SNRK: variants seen among roughly 807,000 people sequenced by gnomAD.
The protein encoded by SNRK is SNF related kinase.
In SNRK, 3 loss-of-function variants were observed where a neutral mutation model predicts 48.2. The ratio of observed to expected loss-of-function variants is 0.06; its 90% CI spans 0.03 to 0.16. The LOEUF (loss-of-function observed/expected upper bound fraction) is 0.16. Ranked by LOEUF, SNRK falls within the 10% of genes least tolerant of loss-of-function variation. The pLI, the probability that SNRK is intolerant of heterozygous loss-of-function variation, is 1.00. For synonymous variants in SNRK, 376 were observed against 366.1 expected (o/e 1.03, Z -0.31); for missense variants, 627 against 976.0 (o/e 0.64, Z 4.76).
intron 4 of SNRK, among the ~76,000 whole-genome samples, chr3:43,339,671 C>T (rs1483646174): frequency 4.0e-5 from 6 of 150,976 alleles, no homozygotes; most frequent in Non-Finnish European, 8.9e-5. Context: ...CAAAACTTAG[C>T]TGGGTGTGGT....
rs906748721 is a variant in SNRK, at chr3:43,317,653, G to A, written c.589+13861G>A. ...TGGTTGCTCCTTCGGCTCCAGCCAC[G>A]CTGCCTCCTTGCTGTTAGGCACACT... On this transcript the variant is annotated intron_variant, in intron 3 of 6. Coordinates refer to ENST00000296088, the MANE Select transcript of SNRK (RefSeq NM_017719.5). 3.3e-5 allele frequency among the ~76,000 whole-genome samples: 5 copies of A among 151,960 alleles called. No homozygotes were observed. In the South Asian group the frequency reaches 6.2e-4, roughly 19 times the overall value.
Position 43,299,807 on chromosome 3 carries a change from G to A in SNRK, c.-115G>A, listed in dbSNP as rs2090885395. On this transcript the variant is annotated 5_prime_UTR_variant, in exon 2 of 7. Transcript: ENST00000296088. Reference sequence around the variant, plus strand: ...GATAATAAGGATTATTCAGTATGCAGTTTGCAGGGTATGTCTTGGAGACAG... The same window carrying A: ...GATAATAAGGATTATTCAGTATGCAATTTGCAGGGTATGTCTTGGAGACAG... 6.6e-6 allele frequency: 1 copy of A among 152,592 alleles called. No individual in the cohort carries two copies. Among genetic ancestry groups the A allele is most frequent in the African/African-American group, 2.4e-5 (1 of 41,434 alleles). 9.5% of individuals were successfully genotyped at this position (152,592 alleles called of 1,614,324 possible).
At chr3:43,306,522 T>C (rs1044665756) in intron 3 of SNRK, among the ~76,000 whole-genome samples, 2 of 152,140 alleles carry the variant, frequency 1.3e-5, no homozygotes, top group African/African-American at 2.4e-5. Flanking sequence ...GTTTTAGATG[T>C]CATTTTTTTT....
chr3:43,295,974 A>C (rs538157392), intron 1 of SNRK, among the ~76,000 whole-genome samples: 31 of 152,272 alleles, frequency 2.0e-4, no homozygotes, highest in African/African-American at 7.2e-4. Flanking sequence ...CCTGACCTCA[A>C]GTAATCTATC....
At chr3:43,291,246 G>C (rs1408410981) in intron 1 of SNRK, among the ~76,000 whole-genome samples, 3 of 152,176 alleles carry the variant, frequency 2.0e-5, no homozygotes, top group African/African-American at 7.2e-5. Flanking sequence ...ACCGTTGCCA[G>C]TTTCAGTTCT....
At chr3:43,297,615 T>C (rs2090866409) in intron 1 of SNRK, among the ~76,000 whole-genome samples, 1 of 152,142 alleles carries the variant, frequency 6.6e-6, no homozygotes, top group Non-Finnish European at 1.5e-5. Context: ...CTAGTCTGTA[T>C]GTTCTAATTG....
At chr3:43,340,571 C>A in intron 5 of SNRK, 72 bp downstream of exon 5, 1 of 1,332,752 alleles carries the variant, frequency 7.5e-7, no homozygotes, top group Non-Finnish European at 1.1e-6. Flanking sequence ...CTACTTAACA[C>A]AGCCTTTGGA....
intron 3 of SNRK, among the ~76,000 whole-genome samples, chr3:43,306,960 A>G (rs2090942422): frequency 6.6e-6 from 1 of 152,166 alleles, no homozygotes; most frequent in Admixed American, 6.5e-5. Context: ...TTGTGGCTTG[A>G]TACATGGTAA....
chr3:43,347,097 C>T lies in SNRK; in HGVS notation c.1080-242C>T, dbSNP rs1224002068. 5 of 426,772 alleles carry T rather than the reference C, an allele frequency of 1.2e-5. No individual in the cohort carries two copies. Among genetic ancestry groups the T allele is most frequent in the Non-Finnish European group, 1.7e-5 (4 of 240,892 alleles). The allele number at this position is 426,772 out of a possible 1,614,324, so 26.4% of individuals were successfully genotyped here. A position where few individuals can be genotyped will look rare whatever the true frequency, so the allele number is the denominator to read the frequency against. ...GTAGCTCTTTGCCCTATTTTCTTTTCTGACACCTGTGATGAAGTTTTCACT... is the reference window on the plus strand; with the variant it reads ...GTAGCTCTTTGCCCTATTTTCTTTTTTGACACCTGTGATGAAGTTTTCACT... On this transcript the variant is annotated intron_variant, in intron 6 of 6. Transcript: ENST00000296088. This position sits in a 1 kb window ranked among gnomAD's most constrained non-coding sequence, Gnocchi z 5.4.
chr3:43,325,485 A>C (rs1001823337), intron 3 of SNRK, among the ~76,000 whole-genome samples: 24 of 152,160 alleles, frequency 1.6e-4, no homozygotes, highest in Admixed American at 6.5e-5. Flanking sequence ...TGTTTTTAAC[A>C]TCAACTTAAG....
chr3:43,287,213 G>C (rs1266503521), intron 1 of SNRK, among the ~76,000 whole-genome samples: 1 of 152,222 alleles, frequency 6.6e-6, no homozygotes, highest in African/African-American at 2.4e-5. Flanking sequence ...AAAGGGCAAA[G>C]GGGTAAGGAA....
chr3:43,339,909 ATCAT>A (rs1477721002), intron 4 of SNRK, among the ~76,000 whole-genome samples: 2 of 134,366 alleles, frequency 1.5e-5, no homozygotes, highest in Non-Finnish European at 3.2e-5. Flanking sequence ...CATCAGAAGC[ATCAT>A]TCATTTTTTT....
intron 5 of SNRK, among the ~76,000 whole-genome samples, chr3:43,342,321 C>T (rs2125646937): frequency 6.6e-6 from 1 of 152,288 alleles, no homozygotes; most frequent in African/African-American, 2.4e-5. Context: ...GCTGCTTGTT[C>T]TGAGGGTGAC....
intron 3 of SNRK, among the ~76,000 whole-genome samples, chr3:43,304,044 TTTCTG>T (rs2090916889): frequency 6.6e-6 from 1 of 152,168 alleles, no homozygotes; most frequent in Non-Finnish European, 1.5e-5. Flanking sequence ...AGTAATCTCT[TTTCTG>T]TTCATTGTCA....
At chr3:43,335,640 C>T (rs2091182024) in intron 4 of SNRK, among the ~76,000 whole-genome samples, 1 of 152,108 alleles carries the variant, frequency 6.6e-6, no homozygotes, top group Admixed American at 6.5e-5. Flanking sequence ...CTTTCTCCTA[C>T]TGGATCTATC....
At chr3:43,292,528 G>A (rs13320571) in intron 1 of SNRK, among the ~76,000 whole-genome samples, 115,902 of 152,176 alleles carry the variant, frequency 0.76, 49,241 homozygotes, top group Non-Finnish European at 0.94. Flanking sequence ...TAAATGATGA[G>A]CCAGTAGGTA....
chr3:43,323,287 C>T (rs1274275109), intron 3 of SNRK, among the ~76,000 whole-genome samples: 3 of 152,134 alleles, frequency 2.0e-5, no homozygotes, highest in Non-Finnish European at 2.9e-5. Flanking sequence ...ATATTTTGTA[C>T]AGTACCAAGA....
chr3:43,332,289 A>T lies in SNRK; in HGVS notation c.710A>T (p.His237Leu). ...GATTGCAAATATACAGTACCATCCC[A>T]TGTGTCTAAAGAGTGTAAAGAGTAA... ...IMDCKYTVPS[H>L]VSKECKDLIT... The change falls in exon 4 of 7, where the codon CAT becomes CTT. Residue 237 changes from histidine to leucine, a missense_variant. Physicochemically the swap from His to Leu is moderately conservative, Grantham distance 99. This residue lies in a region of SNRK where 147 missense variants were observed against 356.8 expected (regional missense o/e 0.41). Coordinates refer to ENST00000296088, the MANE Select transcript of SNRK (RefSeq NM_017719.5). 1 of 1,557,440 alleles carries T rather than the reference A, an allele frequency of 6.4e-7. No individual in the cohort carries two copies. Among genetic ancestry groups the T allele is most frequent in the African/African-American group, 1.4e-5 (1 of 72,996 alleles).
rs577033142 is a variant in SNRK at position 43,320,101 on chromosome 3, A to G, written c.590-12068A>G. ...TAGTGTTCTTATTTTTGTGCCTTTGAATACGTGACTCATTCATTGCTGTTT... is the reference window on the plus strand; with the variant it reads ...TAGTGTTCTTATTTTTGTGCCTTTGGATACGTGACTCATTCATTGCTGTTT... On this transcript the variant is annotated intron_variant, in intron 3 of 6. Transcript: ENST00000296088. Among the ~76,000 whole-genome samples, 6 of 152,272 alleles carry G rather than the reference A, an allele frequency of 3.9e-5. No individual in the cohort carries two copies. The South Asian group carries it at 1.0e-3, about 26-fold the overall frequency.
Sources: gnomAD v4.1 joint callset for allele counts (sites outside exome capture counted in the v4.1 genomes callset) on GRCh38, gnomAD v4.1.1 for gene constraint, gnomAD v4.1.1 regional missense constraint, Gnocchi (gnomAD v3.1) non-coding constraint, MANE v1.5 for transcripts, NCBI Gene and HGNC (gene_info 2026-07-23, HGNC 2026-07-21) for gene names.